Variants in RAPGEF1 observed in about 807,000 individuals in gnomAD.
The protein encoded by RAPGEF1 is Rap guanine nucleotide exchange factor 1, also known as CRK SH3-binding GNRP.
RAPGEF1 carries 33 observed loss-of-function variants against 143.3 expected under a neutral mutation model. The observed-to-expected ratio is 0.23, with a 90% CI of 0.17 to 0.31. The LOEUF (loss-of-function observed/expected upper bound fraction) is 0.31. Among genes scored for constraint, RAPGEF1 ranks in the 10% least tolerant of loss-of-function variants. The pLI is 1.00. For missense variants in RAPGEF1, 1,199 were observed against 1,645.4 expected, an observed-to-expected ratio of 0.73 and a Z score of 4.69; for synonymous variants, 629 against 676.5, an observed-to-expected ratio of 0.93 and a Z score of 1.09.
intron 1 of RAPGEF1, among the ~76,000 whole-genome samples, chr9:131,724,779 TC>T (rs34930767): frequency 6.6e-6 from 1 of 151,880 alleles, no homozygotes; most frequent in African/African-American, 2.4e-5. Context: ...AATGTCAAGG[TC>T]CCCCCTAAAG....
chr9:131,595,044 C>A lies in RAPGEF1; in HGVS notation c.2689+1254G>T, dbSNP rs539785492. On this transcript the variant is annotated intron_variant, in intron 17 of 26. Transcript: ENST00000683357. ...GGCGCTCAGGATGCTGCTGATCACGCCCCCAGCACCGCTGACATGCGGGGC... is the reference window on the plus strand; with the variant it reads ...GGCGCTCAGGATGCTGCTGATCACGACCCCAGCACCGCTGACATGCGGGGC... Among the ~76,000 whole-genome samples, 24 of 152,384 alleles carry A rather than the reference C, an allele frequency of 1.6e-4. No individual in the cohort carries two copies. The East Asian group carries it at 4.6e-3, about 29-fold the overall frequency.
chr9:131,713,832 C>T (rs745322804), intron 1 of RAPGEF1, among the ~76,000 whole-genome samples: 1 of 152,050 alleles, frequency 6.6e-6, no homozygotes, highest in Non-Finnish European at 1.5e-5. Flanking sequence ...TTTGTTGGTA[C>T]ACAGCAGATA....
intron 3 of RAPGEF1, among the ~76,000 whole-genome samples, chr9:131,649,200 A>AATTT (rs1456928181): frequency 1.1e-5 from 1 of 87,236 alleles, no homozygotes; most frequent in African/African-American, 4.6e-5. Context: ...GCCTGGCTAA[A>AATTT]TTTTTTTTTT....
intron 5 of RAPGEF1, among the ~76,000 whole-genome samples, chr9:131,637,100 C>T (rs1295178688): frequency 2.0e-5 from 3 of 152,066 alleles, no homozygotes; most frequent in African/African-American, 7.2e-5. Context: ...TGGCTCACAC[C>T]TGTAATCCCA....
intron 17 of RAPGEF1, among the ~76,000 whole-genome samples, chr9:131,592,746 T>A (rs1954553982): frequency 6.6e-6 from 1 of 152,206 alleles, no homozygotes; most frequent in Admixed American, 6.5e-5. Flanking sequence ...TATTTTTAAA[T>A]TTTTATTATG....
chr9:131,739,503 G>A (rs1837616138), intron 1 of RAPGEF1, among the ~76,000 whole-genome samples: 2 of 151,710 alleles, frequency 1.3e-5, no homozygotes, highest in Admixed American at 6.6e-5. Context: ...GGGGACCGCG[G>A]AGCGGCTAGC....
intron 12 of RAPGEF1, among the ~76,000 whole-genome samples, chr9:131,607,472 G>C (rs988531978): frequency 1.3e-5 from 2 of 152,110 alleles, no homozygotes; most frequent in African/African-American, 2.4e-5. Context: ...GTTTTCCATC[G>C]ATCTCTGGAG....
intron 1 of RAPGEF1, among the ~76,000 whole-genome samples, chr9:131,716,494 T>A (rs1835872232): frequency 6.6e-6 from 1 of 152,194 alleles, no homozygotes; most frequent in South Asian, 2.1e-4. Context: ...GGCCAGGCAC[T>A]ATGGCTCATG....
chr9:131,583,580 A>G lies in RAPGEF1; in HGVS notation c.3414+731T>C, dbSNP rs1249688847. 6.6e-6 allele frequency among the ~76,000 whole-genome samples: 1 copy of G among 152,012 alleles called. No individual in the cohort carries two copies. Among genetic ancestry groups the G allele is most frequent in the Non-Finnish European group, 1.5e-5 (1 of 67,988 alleles). On this transcript the variant is annotated intron_variant, in intron 24 of 26. Coordinates refer to ENST00000683357, the MANE Select transcript of RAPGEF1 (RefSeq NM_001377935.1). The surrounding 1 kb of genome is among the most constrained non-coding windows in gnomAD (Gnocchi z 4.7). ...TGGCCTGGCTGAACTTGGGTCCCTG[A>G]CATGACCCCTGGGTGGCCTGGCTGA...
At chr9:131,649,950 A>G (rs1017341567) in intron 3 of RAPGEF1, among the ~76,000 whole-genome samples, 179 bp downstream of exon 3, 2 of 152,222 alleles carry the variant, frequency 1.3e-5, no homozygotes, top group Admixed American at 6.5e-5. Flanking sequence ...GGGACCTTGC[A>G]TAAACTCTCA....
rs7020842 is a variant in RAPGEF1 at position 131,586,295 on chromosome 9, C to G, written c.3233+1441G>C. ...ACACACACACACACACCTGCAGAGC[C>G]AGACTCCGTCTCAAACACACACACA... On this transcript the variant is annotated intron_variant, in intron 22 of 26. Transcript: ENST00000683357. Among the ~76,000 whole-genome samples, 1,072 of 119,338 alleles carry G rather than the reference C, an allele frequency of 9.0e-3. 59 individuals carry two copies. The highest frequency in any genetic ancestry group is 0.032 in the African/African-American group (932 of 28,728). The allele number at this position is 119,338 out of a possible 152,430, so 78.3% of individuals were successfully genotyped here.
intron 25 of RAPGEF1, among the ~76,000 whole-genome samples, chr9:131,582,214 C>T (rs1158109433): frequency 1.3e-5 from 2 of 152,032 alleles, no homozygotes; most frequent in East Asian, 3.9e-4. Context: ...TGCGCAGCCA[C>T]GTGTGAGGAC....
intron 1 of RAPGEF1, among the ~76,000 whole-genome samples, chr9:131,684,483 T>C (rs532026276): frequency 2.0e-5 from 3 of 152,256 alleles, no homozygotes; most frequent in African/African-American, 7.2e-5. Context: ...CAAGCCATAG[T>C]GGAAAGAATG....
intron 1 of RAPGEF1, among the ~76,000 whole-genome samples, chr9:131,710,458 G>A (rs1300107559): frequency 6.6e-6 from 1 of 152,138 alleles, no homozygotes; most frequent in Non-Finnish European, 1.5e-5. Flanking sequence ...AGAAAAGAAG[G>A]GAATGAAATC....
At chr9:131,661,163 G>A (rs181332201) in intron 1 of RAPGEF1, among the ~76,000 whole-genome samples, 41 of 152,314 alleles carry the variant, frequency 2.7e-4, no homozygotes, top group African/African-American at 9.6e-4. Flanking sequence ...AAGAACGCCT[G>A]TGTGAGGTCA....
In RAPGEF1 at chr9:131,650,818, C is replaced by T. The variant is rs1165941485; in HGVS notation, c.193G>A (p.Val65Met). 2 of 1,613,824 alleles carry T rather than the reference C, an allele frequency of 1.2e-6. No homozygotes were observed. The highest frequency in any genetic ancestry group is 1.7e-6 in the Non-Finnish European group (2 of 1,179,818). The change falls in exon 2 of 27, where the codon GTG becomes ATG. Residue 65 changes from valine to methionine, a missense_variant. Physicochemically the swap from Val to Met is conservative, Grantham distance 21 (BLOSUM62 1). Around this residue, in one of 6 missense-constraint regions of RAPGEF1, gnomAD observed 613 missense variants for 710.9 expected, o/e 0.86. Transcript: ENST00000683357. This position sits in a 1 kb window ranked among gnomAD's most constrained non-coding sequence, Gnocchi z 4.7. ...ATCCAGAGTCAGCTTACTTTGTTCACAGGCTTCTCTGGAATCTTTACGGAC... is the reference window on the plus strand; with the variant it reads ...ATCCAGAGTCAGCTTACTTTGTTCATAGGCTTCTCTGGAATCTTTACGGAC... ...EVSVKIPEKPVNKEATDRFLP... is the reference protein window; with the variant it reads ...EVSVKIPEKPMNKEATDRFLP...
intron 17 of RAPGEF1, among the ~76,000 whole-genome samples, chr9:131,594,491 C>T (rs997333544): frequency 6.6e-6 from 1 of 152,166 alleles, no homozygotes; most frequent in African/African-American, 2.4e-5. Context: ...CTCTCCCTGC[C>T]AAGCCCTGCT....
At chr9:131,663,209 A>C (rs1485763248) in intron 1 of RAPGEF1, among the ~76,000 whole-genome samples, 1 of 152,072 alleles carries the variant, frequency 6.6e-6, no homozygotes, top group East Asian at 1.9e-4. Flanking sequence ...ACATTTTGCC[A>C]TGCTCGCTTT....
intron 1 of RAPGEF1, among the ~76,000 whole-genome samples, chr9:131,663,619 G>A (rs1829952954): frequency 6.6e-6 from 1 of 152,120 alleles, no homozygotes; most frequent in African/African-American, 2.4e-5. Flanking sequence ...CTTGGAGGAG[G>A]TCCCCCGTAA....
Sources: allele counts gnomAD v4.1 joint callset (sites outside exome capture counted in the v4.1 genomes callset), GRCh38; gene constraint gnomAD v4.1.1; regional missense constraint gnomAD v4.1.1; non-coding constraint Gnocchi (gnomAD v3.1); transcripts MANE v1.5; gene names NCBI Gene and HGNC (gene_info 2026-07-23, HGNC 2026-07-21).